Variants in CUL9 observed in about 807,000 individuals in gnomAD.
The protein encoded by CUL9 is cullin 9.
A neutral mutation model predicts 272.6 loss-of-function variants in CUL9; 79 were observed. The observed-to-expected ratio is 0.29, with a 90% CI of 0.24 to 0.35. The LOEUF (loss-of-function observed/expected upper bound fraction) is 0.35. CUL9 is among the 10% of genes least tolerant of loss of function. The probability of loss-of-function intolerance (pLI) is 1.00; values close to 1 mark genes in which losing one functional copy is unlikely to be tolerated. For synonymous variants in CUL9, 1,186 were observed against 1,286.5 expected, an observed-to-expected ratio of 0.92 and a Z score of 1.67; for missense variants, 2,532 against 3,255.6, an observed-to-expected ratio of 0.78 and a Z score of 5.41.
rs192647481 is a variant in CUL9, at chr6:43,203,815, G to C, written c.4026-39G>C. On this transcript the variant is annotated intron_variant, in intron 19 of 40. Transcript: ENST00000252050. The surrounding 1 kb of genome is among the most constrained non-coding windows in gnomAD (Gnocchi z 5.0). ...CTTGAATGGAGGCCTCTGGGAAATCGGTGCCATTAATCCTCCGCCATGCAC... is the reference window on the plus strand; with the variant it reads ...CTTGAATGGAGGCCTCTGGGAAATCCGTGCCATTAATCCTCCGCCATGCAC... The C allele has an allele frequency of 1.4e-4, 222 of 1,565,948 alleles. No homozygotes were observed. The African/African-American group carries it at 2.6e-3, about 18-fold the overall frequency.
chr6:43,200,867 G>A lies in CUL9; in HGVS notation c.3647+33G>A. ...CACACATATATGAATGTTCTGCTGT[G>A]CCCCAGGATACTTCCCCAAAGCACC... On this transcript the variant is annotated intron_variant, in intron 16 of 40. Coordinates refer to ENST00000252050, the MANE Select transcript of CUL9 (RefSeq NM_015089.4). This position sits in a 1 kb window ranked among gnomAD's most constrained non-coding sequence, Gnocchi z 4.0. 1 of 1,610,190 alleles carries A rather than the reference G, an allele frequency of 6.2e-7. No homozygotes were observed. Among genetic ancestry groups the A allele is most frequent in the Non-Finnish European group, 8.5e-7 (1 of 1,176,694 alleles).
chr6:43,222,385 G>A lies in CUL9; in HGVS notation c.6916G>A (p.Ala2306Thr). The A allele has an allele frequency of 6.2e-7, 1 of 1,613,820 alleles. No homozygotes were observed. The highest frequency in any genetic ancestry group is 8.5e-7 in the Non-Finnish European group (1 of 1,179,866). Residue 2306 changes from alanine to threonine, a missense_variant, in exon 36 of 41, where the codon GCG (alanine) becomes ACG (threonine). Physicochemically the swap from Ala to Thr is moderately conservative, Grantham distance 58. This residue lies in a region of CUL9 where 237 missense variants were observed against 305.9 expected (regional missense o/e 0.77). Coordinates refer to ENST00000252050, the MANE Select transcript of CUL9 (RefSeq NM_015089.4). The stretch of plus-strand genomic sequence containing the variant: ...TGAGAGGTGCACTTTCCATCACCAG[G>A]CGCGGGTGAGTCGGGAGGAAACAGC... ...YNERCTFHHQAREFAVNLRNR... is the reference protein window; with the variant it reads ...YNERCTFHHQTREFAVNLRNR...
At chr6:43,202,268 C>T (rs1774659164) in intron 16 of CUL9, among the ~76,000 whole-genome samples, 1 of 152,204 alleles carries the variant, frequency 6.6e-6, no homozygotes, top group East Asian at 1.9e-4. Context: ...TCTGAGGTGC[C>T]TGTGGGACAT....
intron 12 of CUL9, 61 bp downstream of exon 12, chr6:43,198,916 T>C: frequency 6.5e-7 from 1 of 1,546,302 alleles, no homozygotes; most frequent in Non-Finnish European, 8.7e-7. Flanking sequence ...CTTCAGGGAC[T>C]TCACTTGTTT....
At chr6:43,193,677 T>G (rs980483455) in intron 9 of CUL9, among the ~76,000 whole-genome samples, 1 of 152,120 alleles carries the variant, frequency 6.6e-6, no homozygotes, top group Non-Finnish European at 1.5e-5. Context: ...CTCCTGGGAT[T>G]ACAGGCATGA....
chr6:43,201,872 T>A (rs932513385), intron 16 of CUL9, among the ~76,000 whole-genome samples: 3 of 152,230 alleles, frequency 2.0e-5, no homozygotes. Context: ...CAGTTTGAAC[T>A]TTATTCCAAA....
At chr6:43,186,886 C>G (rs1772972538) in intron 4 of CUL9, 74 bp from the exon 5 acceptor site, 6 of 1,555,516 alleles carry the variant, frequency 3.9e-6, no homozygotes, top group African/African-American at 1.4e-5. Flanking sequence ...CATGTCCTTT[C>G]AAGCCTTCAC....
rs1582348748 is a variant in CUL9 at position 43,199,011 on chromosome 6, A to G, written c.3050+156A>G. Among the ~76,000 whole-genome samples, 1 of 150,464 alleles carries G rather than the reference A, an allele frequency of 6.6e-6. No individual in the cohort carries two copies. The highest frequency in any genetic ancestry group is 1.5e-5 in the Non-Finnish European group (1 of 67,812). ...GAGTGCAATGGCACGATCTCAGCTC[A>G]CTGCAACCTCTACCTCCCAGGTTCA... On this transcript the variant is annotated intron_variant, in intron 12 of 40. Coordinates refer to ENST00000252050, the MANE Select transcript of CUL9 (RefSeq NM_015089.4). The surrounding 1 kb of genome is among the most constrained non-coding windows in gnomAD (Gnocchi z 4.4).
Position 43,203,563 on chromosome 6 carries a change from C to T in CUL9, c.3996C>T (p.Asp1332=), listed in dbSNP as rs2150582415. Residue 1332 remains aspartate (D), a synonymous_variant, in exon 19 of 41, where the codon GAC becomes GAT. Transcript: ENST00000252050. This position sits in a 1 kb window ranked among gnomAD's most constrained non-coding sequence, Gnocchi z 5.0. ...CCTGGAGCCGGGACATAGCAGAGGA[C>T]CACCGGCGCCTCCTCCAGCTCTGTC... ...AQAWSRDIAE[D]HRRLLQLCPR... 6.2e-7 allele frequency: 1 copy of T among 1,613,692 alleles called. No homozygotes were observed. Among genetic ancestry groups the T allele is most frequent in the Non-Finnish European group, 8.5e-7 (1 of 1,180,010 alleles).
chr6:43,210,592 T>C (rs905851248), intron 26 of CUL9, among the ~76,000 whole-genome samples: 3 of 152,254 alleles, frequency 2.0e-5, no homozygotes, highest in Non-Finnish European at 4.4e-5. Context: ...CCCCTGGGAT[T>C]GTTTTGCTTT....
At position 43,215,157 on chromosome 6, in the gene CUL9, A is replaced by G. The variant is rs761319415; in HGVS notation, c.5767A>G (p.Ser1923Gly). ...TGTTGCTGGGGGTGTGGCCTGTACC[A>G]GTACAGATGTCCTCTCTTGCATCCT... ...HTVAGGVACT[S>G]TDVLSCILHL... The change falls in exon 30 of 41, where the codon AGT becomes GGT. Residue 1923 changes from serine (S) to glycine (G), a missense_variant. Transcript: ENST00000252050. The G allele has an allele frequency of 1.2e-5, 19 of 1,614,190 alleles. No individual in the cohort carries two copies. The South Asian group carries it at 2.0e-4, about 17-fold the overall frequency.
chr6:43,223,050 C>G lies in CUL9; in HGVS notation c.7150+154C>G. 1.1e-6 allele frequency: 1 copy of G among 896,202 alleles called. No homozygotes were observed. Among genetic ancestry groups the G allele is most frequent in the Non-Finnish European group, 1.7e-6 (1 of 585,952 alleles). 55.5% of individuals were successfully genotyped at this position (896,202 alleles called of 1,614,324 possible). A position where few individuals can be genotyped will look rare whatever the true frequency, so the allele number is the denominator to read the frequency against. ...CCTTCTCACTGCCTGGCTGTTAAAG[C>G]TCAGGTCGAAAGCCTACATTGTAAG... On this transcript the variant is annotated intron_variant, in intron 38 of 40. Transcript: ENST00000252050. This position sits in a 1 kb window ranked among gnomAD's most constrained non-coding sequence, Gnocchi z 4.1.
chr6:43,215,308 G>T lies in CUL9; in HGVS notation c.5918G>T (p.Ser1973Ile). Residue 1973 changes from serine (S) to isoleucine (I), a missense_variant, in exon 30 of 41, where the codon AGC becomes ATC. Coordinates refer to ENST00000252050, the MANE Select transcript of CUL9 (RefSeq NM_015089.4). ...GATGTCCCTTTCTGTGGCAGCCAGA[G>T]CGAAACCTCCAAGCCCAGGTAGCCA... ...QADVPFCGSQ[S>I]ETSKPSPEAV... 6.2e-7 allele frequency: 1 copy of T among 1,611,188 alleles called. No homozygotes were observed. Among genetic ancestry groups the T allele is most frequent in the Middle Eastern group, 1.7e-4 (1 of 6,042 alleles).
chr6:43,187,144 G>A (rs774915129), intron 5 of CUL9, 49 bp downstream of exon 5: 28 of 1,608,768 alleles, frequency 1.7e-5, no homozygotes, highest in Non-Finnish European at 1.7e-6. Context: ...CAGAGGATTA[G>A]TGACTGGGAT....
At chr6:43,187,579 T>C in intron 6 of CUL9, 134 bp from the exon 7 acceptor site, 1 of 1,316,982 alleles carries the variant, frequency 7.6e-7, no homozygotes, top group Non-Finnish European at 1.1e-6. Flanking sequence ...TGCTGGGGGT[T>C]GGAGGCAAGT....
rs367579362 is a variant in CUL9, at chr6:43,206,672, C to T, written c.5212+162C>T. On this transcript the variant is annotated intron_variant, in intron 26 of 40. Transcript: ENST00000252050. The surrounding 1 kb of genome is among the most constrained non-coding windows in gnomAD (Gnocchi z 4.8). ...TTGTAGTTTCATTAATTTCTGCTCT[C>T]ATCAGTTTCTTCAACTTTCTATGAA... is the stretch of plus-strand genomic sequence containing the variant. Among the ~76,000 whole-genome samples, 6 of 152,308 alleles carry T rather than the reference C, an allele frequency of 3.9e-5. No homozygotes were observed. The highest frequency in any genetic ancestry group is 1.4e-4 in the African/African-American group (6 of 41,552).
chr6:43,182,827 T>G (rs774661002), intron 1 of CUL9, among the ~76,000 whole-genome samples: 1 of 152,158 alleles, frequency 6.6e-6, no homozygotes, highest in Non-Finnish European at 1.5e-5. Flanking sequence ...TTCTCACTAT[T>G]CCCTGTTGCC....
At chr6:43,197,490 G>A (rs897720865) in intron 11 of CUL9, among the ~76,000 whole-genome samples, 1 of 151,662 alleles carries the variant, frequency 6.6e-6, no homozygotes, top group Non-Finnish European at 1.5e-5. Context: ...AAGCTTAACT[G>A]GTTTTTTTTT....
chr6:43,189,406 G>A (rs1361765191), intron 8 of CUL9, among the ~76,000 whole-genome samples: 1 of 152,050 alleles, frequency 6.6e-6, no homozygotes, highest in African/African-American at 2.4e-5. Context: ...GGATGGTCTC[G>A]ATCTTCTGAC....
Sources: allele counts gnomAD v4.1 joint callset (sites outside exome capture counted in the v4.1 genomes callset), GRCh38; gene constraint gnomAD v4.1.1; regional missense constraint gnomAD v4.1.1; non-coding constraint Gnocchi (gnomAD v3.1); transcripts MANE v1.5; gene names NCBI Gene and HGNC (gene_info 2026-07-23, HGNC 2026-07-21).